DCBLD2: variants seen among roughly 807,000 people sequenced by gnomAD.
The protein encoded by DCBLD2 is discoidin, CUB and LCCL domain containing 2.
DCBLD2 carries 54 observed loss-of-function variants against 86.8 expected under a neutral mutation model. The ratio of observed to expected loss-of-function variants is 0.62; its 90% CI spans 0.50 to 0.78. The LOEUF is 0.78. DCBLD2 is among the 30% of genes least tolerant of loss of function. The pLI, the probability that DCBLD2 is intolerant of heterozygous loss-of-function variation, is 0.00. For synonymous variants in DCBLD2, 354 were observed against 341.3 expected (o/e 1.04, Z -0.41); for missense variants, 908 against 954.2 (o/e 0.95, Z 0.64).
chr3:98,802,113 T>G (rs1941733342), intron 13 of DCBLD2: 1 of 152,870 alleles, frequency 6.5e-6, no homozygotes, highest in Non-Finnish European at 1.5e-5. Flanking sequence ...TAGTTCTAGA[T>G]CCCTGAGGAA....
Position 98,890,311 on chromosome 3 carries a change from G to C in DCBLD2, c.206-8544C>G, listed in dbSNP as rs555536265. On this transcript the variant is annotated intron_variant, in intron 1 of 15. Transcript: ENST00000326840. ...AGAACCACATGTAACCACAGAGGCAGAGACTGGAGTGATATATTAAAAGCC... is the reference window on the plus strand; with the variant it reads ...AGAACCACATGTAACCACAGAGGCACAGACTGGAGTGATATATTAAAAGCC... The C allele has an allele frequency of 2.0e-5, 3 of 152,156 alleles. No individual in the cohort carries two copies. In the South Asian group the frequency reaches 6.2e-4, roughly 32 times the overall value. The allele number at this position is 152,156 out of a possible 1,614,324, so 9.4% of individuals were successfully genotyped here.
intron 1 of DCBLD2, among the ~76,000 whole-genome samples, chr3:98,893,595 A>C (rs1383510111): frequency 6.6e-6 from 1 of 152,216 alleles, no homozygotes; most frequent in Non-Finnish European, 1.5e-5. Flanking sequence ...GAAAATATAC[A>C]GCACAAATGT....
chr3:98,856,349 T>G (rs1355983610), intron 2 of DCBLD2, among the ~76,000 whole-genome samples: 1 of 151,480 alleles, frequency 6.6e-6, no homozygotes, highest in Non-Finnish European at 1.5e-5. Context: ...ATATGCAATC[T>G]CTCCCGAACT....
intron 1 of DCBLD2, among the ~76,000 whole-genome samples, chr3:98,888,491 C>G (rs574815581): frequency 6.6e-6 from 1 of 151,872 alleles, no homozygotes; most frequent in African/African-American, 2.4e-5. Flanking sequence ...CACAGTTTTG[C>G]CAGGGGTAAA....
At chr3:98,857,320 G>A (rs1309071977) in intron 2 of DCBLD2, among the ~76,000 whole-genome samples, 5 of 152,164 alleles carry the variant, frequency 3.3e-5, no homozygotes, top group East Asian at 1.9e-4. Flanking sequence ...TGCAAAGAGC[G>A]AAAGAACAAA....
At chr3:98,821,399 C>T (rs759822989) in intron 6 of DCBLD2, among the ~76,000 whole-genome samples, 30 of 152,198 alleles carry the variant, frequency 2.0e-4, no homozygotes, top group African/African-American at 5.3e-4. Flanking sequence ...GCCTACCCTA[C>T]GTTTTATAAA....
At chr3:98,854,689 T>C (rs1253330716) in intron 2 of DCBLD2, among the ~76,000 whole-genome samples, 1 of 152,244 alleles carries the variant, frequency 6.6e-6, no homozygotes, top group Admixed American at 6.5e-5. Context: ...CTACAACATA[T>C]CATAGTCATT....
intron 1 of DCBLD2, among the ~76,000 whole-genome samples, chr3:98,886,801 C>CA (rs71625281): frequency 0.012 from 1,253 of 100,438 alleles, 19 homozygotes; most frequent in Middle Eastern, 0.032. Flanking sequence ...TACAGGAAAA[C>CA]CCCCCCCCTT....
intron 2 of DCBLD2, among the ~76,000 whole-genome samples, chr3:98,870,656 A>G (rs12497337): frequency 6.7e-5 from 9 of 134,230 alleles, no homozygotes; most frequent in African/African-American, 2.3e-4. Context: ...GAGATAGAGA[A>G]AGAGAGAGAG....
chr3:98,871,887 G>C (rs1232732365), intron 2 of DCBLD2, among the ~76,000 whole-genome samples: 1 of 152,142 alleles, frequency 6.6e-6, no homozygotes, highest in Non-Finnish European at 1.5e-5. Context: ...AAATTCAGCT[G>C]TGAATCCATC....
chr3:98,838,090 G>A (rs1416309469), intron 3 of DCBLD2, among the ~76,000 whole-genome samples: 7 of 140,802 alleles, frequency 5.0e-5, no homozygotes, highest in African/African-American at 1.3e-4. Context: ...TGGCCAGGCC[G>A]GGGGCTGAAC....
intron 7 of DCBLD2, 49 bp downstream of exon 7, chr3:98,820,199 C>A: frequency 1.6e-6 from 2 of 1,252,786 alleles, no homozygotes; most frequent in South Asian, 2.5e-5. Context: ...TAACAGTGTT[C>A]AAAAAATATT....
chr3:98,866,890 G>A (rs1358168988), intron 2 of DCBLD2, among the ~76,000 whole-genome samples: 1 of 152,188 alleles, frequency 6.6e-6, no homozygotes, highest in Non-Finnish European at 1.5e-5. Flanking sequence ...TGCATAAGGT[G>A]TAAGGAAGGG....
At chr3:98,848,922 C>T (rs1003476535) in intron 3 of DCBLD2, among the ~76,000 whole-genome samples, 1 of 152,122 alleles carries the variant, frequency 6.6e-6, no homozygotes, top group Non-Finnish European at 1.5e-5. Context: ...GTAATCCCAG[C>T]ACTTTGGGAG....
rs796392530 is a variant in DCBLD2 at position 98,839,140 on chromosome 3, CTTCCTTCTTTCT to C, written c.571+10309_571+10320del. 2.2e-3 allele frequency among the ~76,000 whole-genome samples: 230 copies of C among 102,820 alleles called. 4 individuals carry two copies. The highest frequency in any genetic ancestry group is 0.018 in the South Asian group (52 of 2,868). 67.5% of individuals were successfully genotyped at this position (102,820 alleles called of 152,430 possible). Reference sequence around the variant, plus strand: ...TTCTTTTTCTTTCTTTCCTTCCTTCCTTCCTTCTTTCTTTCTTTCTTTCTTTCTTTCCTTTCT... The same window carrying C: ...TTCTTTTTCTTTCTTTCCTTCCTTCCTTCTTTCTTTCTTTCTTTCCTTTCT... On this transcript the variant is annotated intron_variant, in intron 3 of 15. Transcript: ENST00000326840.
At chr3:98,820,131 A>T in intron 7 of DCBLD2, 117 bp downstream of exon 7, 1 of 524,796 alleles carries the variant, frequency 1.9e-6, no homozygotes, top group Non-Finnish European at 3.0e-6. Flanking sequence ...CTTACCTCAT[A>T]GTGTTATTAA....
chr3:98,809,093 A>T (rs910746260), intron 12 of DCBLD2, among the ~76,000 whole-genome samples: 1 of 152,178 alleles, frequency 6.6e-6, no homozygotes. Flanking sequence ...TGACCAGGTC[A>T]GAAGCCAGCA....
intron 3 of DCBLD2, among the ~76,000 whole-genome samples, chr3:98,843,158 C>T (rs2470867): frequency 0.44 from 66,194 of 151,958 alleles, 14,600 homozygotes; most frequent in African/African-American, 0.46. Context: ...GTTCTACAAA[C>T]TGACACCAAA....
At position 98,800,610 on chromosome 3, in the gene DCBLD2, T is replaced by C. The variant is rs1297083579; in HGVS notation, c.1827A>G (p.Glu609=). 1 of 1,613,896 alleles carries C rather than the reference T, an allele frequency of 6.2e-7. No individual in the cohort carries two copies. Among genetic ancestry groups the C allele is most frequent in the South Asian group, 1.1e-5 (1 of 91,056 alleles). Residue 609 remains glutamate (E), a synonymous_variant, in exon 15 of 16, where the codon GAA becomes GAG. Coordinates refer to ENST00000326840, the MANE Select transcript of DCBLD2 (RefSeq NM_080927.4). The part of the protein sequence containing the change: ...SSEVNHLSPR[E]VTTVLQADSA... The stretch of plus-strand genomic sequence containing the variant: ...AGTCAGCCTGCAGCACTGTGGTGAC[T>C]TCTCTTGGACTCAGGTGATTAACTT...
Sources: allele counts gnomAD v4.1 joint callset (sites outside exome capture counted in the v4.1 genomes callset), GRCh38; gene constraint gnomAD v4.1.1; transcripts MANE v1.5; gene names NCBI Gene and HGNC (gene_info 2026-07-23, HGNC 2026-07-21).